Variants in CDAN1 observed in about 807,000 individuals in gnomAD.
The protein encoded by CDAN1 is codanin 1.
A neutral mutation model predicts 139.8 loss-of-function variants in CDAN1; 107 were observed. The observed-to-expected ratio is 0.77, with a 90% confidence interval of 0.65 to 0.90. The LOEUF (loss-of-function observed/expected upper bound fraction) is 0.90. Ranked by LOEUF, CDAN1 falls within the 40% of genes least tolerant of loss-of-function variation. The pLI, the probability that CDAN1 is intolerant of heterozygous loss-of-function variation, is 0.00. For missense variants in CDAN1, 1,667 were observed against 1,575.7 expected (o/e 1.06, Z -0.98); for synonymous variants, 776 against 660.6 (o/e 1.17, Z -2.68).
rs796653050 is a variant in CDAN1, at chr15:42,736,094, A to T, written c.570-16T>A. 2.5e-6 allele frequency: 4 copies of T among 1,613,378 alleles called. No individual in the cohort carries two copies. In the African/African-American group the frequency reaches 5.3e-5, roughly 22 times the overall value. On this transcript the variant is annotated splice_polypyrimidine_tract_variant and intron_variant, in intron 2 of 27. Coordinates refer to ENST00000356231, the MANE Select transcript of CDAN1 (RefSeq NM_138477.4). The stretch of plus-strand genomic sequence containing the variant: ...AGGCTTCGTCCTGCTGAGAGTAGCC[A>T]CAGGTTTTTCTCAAATTCCTATCTT...
chr15:42,734,411 T>C, intron 6 of CDAN1, 65 bp from the exon 7 acceptor site: 1 of 1,602,034 alleles, frequency 6.2e-7, no homozygotes, highest in Non-Finnish European at 8.5e-7. Context: ...AGCAAGCACC[T>C]GCACACCACA....
chr15:42,728,166 T>A, intron 21 of CDAN1, 38 bp downstream of exon 21: 1 of 1,610,196 alleles, frequency 6.2e-7, no homozygotes, highest in South Asian at 1.1e-5. Context: ...TCCCCACAAC[T>A]GCCTGGCCTG....
chr15:42,727,704 C>A lies in CDAN1; in HGVS notation c.3013G>T (p.Ala1005Ser). The change falls in exon 23 of 28, where the codon GCT (alanine) becomes TCT (serine). Residue 1005 changes from alanine (A) to serine (S), a missense_variant. Ala to Ser is a moderately conservative substitution (Grantham distance 99). Around this residue, in one of 3 missense-constraint regions of CDAN1, gnomAD observed 936 missense variants for 844.1 expected, o/e 1.11. Transcript: ENST00000356231. ...CAGCCCCTCCGCTCCCCCCGGGCAG[C>A]AGGTTCAGGACCCTGGGCTCGAAGT... ...RTLRAQGPEP[A>S]ARGERRGCSR... is the part of the protein sequence containing the mutation. 6.3e-7 allele frequency: 1 copy of A among 1,583,914 alleles called. No homozygotes were observed. The highest frequency in any genetic ancestry group is 8.6e-7 in the Non-Finnish European group (1 of 1,160,594).
At chr15:42,730,031 G>C (rs954279547) in intron 15 of CDAN1, 97 bp downstream of exon 15, 18 of 1,339,124 alleles carry the variant, frequency 1.3e-5, no homozygotes, top group Non-Finnish European at 1.8e-5. Flanking sequence ...CTGAACCTTC[G>C]TCTTCCAGCC....
In CDAN1 at chr15:42,735,302, G is replaced by A. The variant is rs763345873; in HGVS notation, c.1016C>T (p.Thr339Ile). 2 of 1,610,376 alleles carry A rather than the reference G, an allele frequency of 1.2e-6. No homozygotes were observed. The highest frequency in any genetic ancestry group is 1.7e-6 in the Non-Finnish European group (2 of 1,178,162). The change falls in exon 5 of 28, where the codon ACT becomes ATT. Residue 339 changes from threonine (T) to isoleucine (I), a missense_variant. Thr to Ile is a moderately conservative substitution (Grantham distance 89). This residue lies in a region of CDAN1 where 244 missense variants were observed against 309.4 expected (regional missense o/e 0.79). Coordinates refer to ENST00000356231, the MANE Select transcript of CDAN1 (RefSeq NM_138477.4). ...TAGTTCAGGGTCGCTGTCCTTGGCAGTCACCATCCTCCGGGCAGTGAGGAG... is the reference window on the plus strand; with the variant it reads ...TAGTTCAGGGTCGCTGTCCTTGGCAATCACCATCCTCCGGGCAGTGAGGAG... ...FQLLTARRMV[T>I]AKDSDPELSP...
Position 42,730,755 on chromosome 15 carries a change from C to T in CDAN1, c.2017G>A (p.Val673Ile). Residue 673 changes from valine (V) to isoleucine (I), a missense_variant, in exon 14 of 28, where the codon GTC (valine) becomes ATC (isoleucine). Transcript: ENST00000356231. Reference protein sequence around the residue: ...ILALRSQVPPVLDVRTLLQRG... With the variant: ...ILALRSQVPPILDVRTLLQRG... ...TGCAGCAGAGTCCGCACATCCAGGACCGGAGGGACCTGGGAGGGCCAGAGC... is the reference window on the plus strand; with the variant it reads ...TGCAGCAGAGTCCGCACATCCAGGATCGGAGGGACCTGGGAGGGCCAGAGC... 6.2e-7 allele frequency: 1 copy of T among 1,612,168 alleles called. No individual in the cohort carries two copies. The highest frequency in any genetic ancestry group is 8.5e-7 in the Non-Finnish European group (1 of 1,179,088).
At position 42,728,829 on chromosome 15, in the gene CDAN1, G is replaced by T. The variant is rs1303898698; in HGVS notation, c.2646-19C>A. The T allele has an allele frequency of 6.2e-7, 1 of 1,614,116 alleles. No homozygotes were observed. Among genetic ancestry groups the T allele is most frequent in the East Asian group, 2.2e-5 (1 of 44,862 alleles). On this transcript the variant is annotated intron_variant, in intron 19 of 27. Coordinates refer to ENST00000356231, the MANE Select transcript of CDAN1 (RefSeq NM_138477.4). ...TGTAGCCCTGCAGCAGGGACAGCAA[G>T]GTTGGGGATGGTTGGAGGGTTAATC...
intron 19 of CDAN1, 96 bp downstream of exon 19, chr15:42,728,927 C>T (rs2061569523): frequency 1.7e-5 from 26 of 1,575,414 alleles, no homozygotes; most frequent in African/African-American, 2.7e-5. Flanking sequence ...TTCAGCCCCA[C>T]ACCCACCCTC....
At position 42,724,221 on chromosome 15, in the gene CDAN1, A is replaced by G; in HGVS notation, c.*270T>C. ...CAAGCCCACACACCTCATTTCATTT[A>G]GTATCCAAGAGATAAACAAACACCA... On this transcript the variant is annotated 3_prime_UTR_variant, in exon 28 of 28. Coordinates refer to ENST00000356231, the MANE Select transcript of CDAN1 (RefSeq NM_138477.4). 1 of 460,650 alleles carries G rather than the reference A, an allele frequency of 2.2e-6. No homozygotes were observed. The highest frequency in any genetic ancestry group is 4.0e-6 in the Non-Finnish European group (1 of 247,328). 28.5% of individuals were successfully genotyped at this position (460,650 alleles called of 1,614,324 possible).
rs2061639128 is a variant in CDAN1 at position 42,733,165 on chromosome 15, C to T, written c.1389G>A (p.Leu463=). The T allele has an allele frequency of 1.2e-6, 2 of 1,614,090 alleles. No individual in the cohort carries two copies. The highest frequency in any genetic ancestry group is 8.5e-7 in the Non-Finnish European group (1 of 1,179,950). The change falls in exon 9 of 28, where the codon CTG becomes CTA. Residue 463 remains leucine, a synonymous_variant. Transcript: ENST00000356231. ...KKQRDVFYEV[L]REWEDHHEEP... is the part of the protein sequence containing the mutation. ...CCTCATGGTGATCTTCCCACTCTCG[C>T]AGCACCTCATAAAACACATCCCTGA...
In CDAN1 at chr15:42,726,131, C is replaced by G; in HGVS notation, c.3234G>C (p.Leu1078=). 1.9e-6 allele frequency: 3 copies of G among 1,614,116 alleles called. No homozygotes were observed. The highest frequency in any genetic ancestry group is 2.5e-6 in the Non-Finnish European group (3 of 1,180,022). The change falls in exon 25 of 28, where the codon CTG becomes CTC. Residue 1078 remains leucine (L), a synonymous_variant. Transcript: ENST00000356231. ...AAGCTAACTCCACAGAGCACTTTGC[C>G]AGATGCTGCTCAGCAGGTGGGCACA... ...QFLCPPAEQH[L]AKCSVELASL... is the part of the protein sequence containing the mutation.
Position 42,725,256 on chromosome 15 carries a change from A to AAAAC in CDAN1, c.3451-9_3451-6dup. 6.2e-7 allele frequency: 1 copy of AAAAC among 1,613,668 alleles called. No individual in the cohort carries two copies. The highest frequency in any genetic ancestry group is 8.5e-7 in the Non-Finnish European group (1 of 1,179,540). ...CAAGAATAGCAGCAAGTCCCACTGC[A>AAAAC]AAACACACCGAGGTCAGGGTTGCTA... On this transcript the variant is annotated splice_region_variant and splice_polypyrimidine_tract_variant and intron_variant, in intron 26 of 27. Transcript: ENST00000356231.
rs1217779995 is a variant in CDAN1, at chr15:42,735,575, G to C, written c.878C>G (p.Pro293Arg). 1.9e-6 allele frequency: 3 copies of C among 1,614,254 alleles called. No individual in the cohort carries two copies. Among genetic ancestry groups the C allele is most frequent in the East Asian group, 4.5e-5 (2 of 44,884 alleles). ...TGSLTDEPAD[P>R]ARVSSRQRLE... ...GCGCTGGCGGGAAGACACTCTGGCA[G>C]GGTCTGCAGGTTCATCTGTGAGGCT... Residue 293 changes from proline (P) to arginine (R), a missense_variant, in exon 4 of 28, where the codon CCT (proline) becomes CGT (arginine). Pro to Arg is a moderately radical substitution (Grantham distance 103). Transcript: ENST00000356231.
At chr15:42,730,251 G>C (rs1422873192) in intron 14 of CDAN1, 36 bp from the exon 15 acceptor site, 1 of 1,582,126 alleles carries the variant, frequency 6.3e-7, no homozygotes, top group Non-Finnish European at 8.7e-7. Context: ...GGTTTGAGCA[G>C]AAAGGGGAAG....
rs80338698 is a variant in CDAN1, at chr15:42,726,386, T to G, written c.3128A>C (p.Asp1043Ala). ...CTCTGGGGAGACTCCCTCGTCAGGG[T>G]CCCGTGGCCCCACGGCCAAGGAGAG... ...DVLSLAVGPRDPDEGVSPEHL... is the reference protein window; with the variant it reads ...DVLSLAVGPRAPDEGVSPEHL... Residue 1043 changes from aspartate to alanine, a missense_variant, in exon 24 of 28, where the codon GAC becomes GCC. Asp to Ala is a moderately radical substitution (Grantham distance 126). Coordinates refer to ENST00000356231, the MANE Select transcript of CDAN1 (RefSeq NM_138477.4). The G allele has an allele frequency of 1.9e-6, 3 of 1,599,092 alleles. No homozygotes were observed. Among genetic ancestry groups the G allele is most frequent in the Non-Finnish European group, 2.6e-6 (3 of 1,173,056 alleles).
In CDAN1 at chr15:42,724,493, A is replaced by G; in HGVS notation, c.3682T>C (p.Ter1228GlnextTer2). ...PNRGTVLAQS[*>Q] The stretch of plus-strand genomic sequence containing the variant: ...CAAGGCAGGGCCACTTCTCAGCCCT[A>G]GCTCTGGGCCAGCACAGTGCCCCGG... The change falls in exon 28 of 28, where the codon TAG (stop) becomes CAG (glutamine). Residue 1228 changes from the stop codon to glutamine (Q), a stop_lost. Coordinates refer to ENST00000356231, the MANE Select transcript of CDAN1 (RefSeq NM_138477.4). 1 of 1,577,436 alleles carries G rather than the reference A, an allele frequency of 6.3e-7. No individual in the cohort carries two copies. The highest frequency in any genetic ancestry group is 8.6e-7 in the Non-Finnish European group (1 of 1,160,442).
chr15:42,733,111 C>G lies in CDAN1; in HGVS notation c.1443G>C (p.Leu481Phe). Residue 481 changes from leucine (L) to phenylalanine (F), a missense_variant, in exon 9 of 28, where the codon TTG becomes TTC. Physicochemically the swap from Leu to Phe is conservative, Grantham distance 22. Transcript: ENST00000356231. ...TGAGCACCCACCTGATTCTGCTGCC[C>G]AAGCCCTTCTCAAAATCCCAGCCAG... ...EEPGWDFEKG[L>F]GSRIRAMMGQ... 6.2e-7 allele frequency: 1 copy of G among 1,614,048 alleles called. No homozygotes were observed. The highest frequency in any genetic ancestry group is 8.5e-7 in the Non-Finnish European group (1 of 1,179,964).
Position 42,729,608 on chromosome 15 carries a change from C to T in CDAN1, c.2367G>A (p.Val789=), listed in dbSNP as rs566270271. 6.2e-7 allele frequency: 1 copy of T among 1,613,984 alleles called. No individual in the cohort carries two copies. The highest frequency in any genetic ancestry group is 2.2e-5 in the East Asian group (1 of 44,868). ...AGGTGTAGAGCAGCTGCTGGTCCAC[C>T]ACAGGCGCATTGTCCTGGGGAGAAA... The part of the protein sequence containing the change: ...APEHGLDNAP[V]VDQQLLYTCC... The change falls in exon 17 of 28, where the codon GTG becomes GTA. Residue 789 remains valine, a synonymous_variant. Transcript: ENST00000356231.
At position 42,735,504 on chromosome 15, in the gene CDAN1, A is replaced by G. The variant is rs1446727478; in HGVS notation, c.943+6T>C. Reference sequence around the variant, plus strand: ...CTCCACTCCCGCTCCCTCCGCTCTCACTCACCAGCAATGCACGAGGAGTAA... The same window carrying G: ...CTCCACTCCCGCTCCCTCCGCTCTCGCTCACCAGCAATGCACGAGGAGTAA... On this transcript the variant is annotated splice_donor_region_variant and intron_variant, in intron 4 of 27. Coordinates refer to ENST00000356231, the MANE Select transcript of CDAN1 (RefSeq NM_138477.4). 6.2e-7 allele frequency: 1 copy of G among 1,614,042 alleles called. No homozygotes were observed. The highest frequency in any genetic ancestry group is 8.5e-7 in the Non-Finnish European group (1 of 1,179,996).
Sources: allele counts gnomAD v4.1 joint callset, GRCh38; gene constraint gnomAD v4.1.1; regional missense constraint gnomAD v4.1.1; transcripts MANE v1.5; gene names NCBI Gene and HGNC (gene_info 2026-07-23, HGNC 2026-07-21).